AZIN1: variants seen among roughly 807,000 people sequenced by gnomAD.
AZIN1 encodes the protein antizyme inhibitor 1, also known as ornithine decarboxylase antizyme inhibitor.
AZIN1 carries 12 observed loss-of-function variants against 47.4 expected under a neutral mutation model. The observed-to-expected ratio is 0.25, with a 90% CI of 0.16 to 0.41. AZIN1 has a LOEUF of 0.41. Ranked by LOEUF, AZIN1 falls within the 10% of genes least tolerant of loss-of-function variation. The probability of loss-of-function intolerance (pLI) is 1.00; values close to 1 mark genes in which losing one functional copy is unlikely to be tolerated. For missense variants in AZIN1, 410 were observed against 532.4 expected (o/e 0.77, Z 2.26); for synonymous variants, 155 against 176.3 (o/e 0.88, Z 0.96).
At chr8:102,846,843 C>T (rs965007911) in intron 2 of AZIN1, among the ~76,000 whole-genome samples, 1 of 152,148 alleles carries the variant, frequency 6.6e-6, no homozygotes, top group African/African-American at 2.4e-5. Context: ...CAGCAAATCC[C>T]CAACTCCACC....
chr8:102,839,227 G>A (rs1586170330), intron 4 of AZIN1, among the ~76,000 whole-genome samples: 1 of 152,230 alleles, frequency 6.6e-6, no homozygotes, highest in African/African-American at 2.4e-5. Context: ...ATGTTGCCCA[G>A]GCTGATCCTA....
Position 102,829,627 on chromosome 8 carries a change from AGCCT to A in AZIN1, c.1021-145_1021-142del, listed in dbSNP as rs1811309763. On this transcript the variant is annotated intron_variant, in intron 10 of 11. Transcript: ENST00000337198. The stretch of plus-strand genomic sequence containing the variant: ...AGAGCCAAGGGCAGGGTGCTACTTA[AGCCT>A]CGATGGTACCATTAACTCCACGTAA... 21 of 879,308 alleles carry A rather than the reference AGCCT, an allele frequency of 2.4e-5. No individual in the cohort carries two copies. In the South Asian group the frequency reaches 2.8e-4, roughly 12 times the overall value. The allele number at this position is 879,308 out of a possible 1,614,324, so 54.5% of individuals were successfully genotyped here. A position where few individuals can be genotyped will look rare whatever the true frequency, so the allele number is the denominator to read the frequency against.
intron 2 of AZIN1, among the ~76,000 whole-genome samples, chr8:102,856,833 G>A (rs1447011375): frequency 6.6e-6 from 1 of 152,214 alleles, no homozygotes; most frequent in Non-Finnish European, 1.5e-5. Flanking sequence ...TCTCTTTAAT[G>A]TGCACACAAG....
chr8:102,864,172 G>C (rs1010109668), upstream of AZIN1: 1 of 181,698 alleles, frequency 5.5e-6, no homozygotes, highest in Admixed American at 6.5e-5. Flanking sequence ...GTGAGAAGGC[G>C]GCGCCAGCGA....
At chr8:102,831,597 C>T (rs540207651) in intron 9 of AZIN1, among the ~76,000 whole-genome samples, 7 of 137,418 alleles carry the variant, frequency 5.1e-5, no homozygotes, top group African/African-American at 1.9e-4. Context: ...GAGCTGAGAT[C>T]ATGCCACTGC....
intron 3 of AZIN1, among the ~76,000 whole-genome samples, chr8:102,841,809 A>AG (rs1812207082): frequency 6.7e-6 from 1 of 148,584 alleles, no homozygotes; most frequent in Admixed American, 6.7e-5. Context: ...TATATATAAA[A>AG]AAAAAAAAAA....
chr8:102,856,441 T>C (rs1228133550), intron 2 of AZIN1, among the ~76,000 whole-genome samples: 2 of 152,218 alleles, frequency 1.3e-5, no homozygotes, highest in African/African-American at 4.8e-5. Context: ...GAATCCTACA[T>C]TATTAATCTA....
In AZIN1 at chr8:102,841,808, A is replaced by T. The variant is rs868465134; in HGVS notation, c.102+1743T>A. ...TTAAGTCTAATATATATATATATAAAAAAAAAAAAAAAAAAGACCAGGCTG... is the reference window on the plus strand; with the variant it reads ...TTAAGTCTAATATATATATATATAATAAAAAAAAAAAAAAAGACCAGGCTG... On this transcript the variant is annotated intron_variant, in intron 3 of 11. Transcript: ENST00000337198. Among the ~76,000 whole-genome samples, 1,212 of 148,724 alleles carry T rather than the reference A, an allele frequency of 8.1e-3. 13 individuals are homozygous for T. The highest frequency in any genetic ancestry group is 0.035 in the Middle Eastern group (10 of 284).
At chr8:102,832,112 C>T (rs929961947) in intron 9 of AZIN1, among the ~76,000 whole-genome samples, 8 of 152,112 alleles carry the variant, frequency 5.3e-5, no homozygotes, top group Admixed American at 5.2e-4. Flanking sequence ...AACTAAGGAT[C>T]AGCTATGAAA....
chr8:102,859,840 AAAAG>A (rs925351045), intron 1 of AZIN1, among the ~76,000 whole-genome samples: 11 of 152,132 alleles, frequency 7.2e-5, no homozygotes, highest in Admixed American at 1.3e-4. Flanking sequence ...TGTCTCCAAA[AAAAG>A]AAAAGAAAAG....
At chr8:102,855,656 A>G (rs1813236117) in intron 2 of AZIN1, 1 of 152,218 alleles carries the variant, frequency 6.6e-6, no homozygotes, top group Non-Finnish European at 1.5e-5. Context: ...CAGAGTTCAT[A>G]TAGCTACATG....
In AZIN1 at chr8:102,861,981, A is replaced by C. The variant is rs572394192; in HGVS notation, c.-234+1826T>G. 5.9e-5 allele frequency among the ~76,000 whole-genome samples: 9 copies of C among 152,160 alleles called. No individual in the cohort carries two copies. The East Asian group carries it at 1.5e-3, about 26-fold the overall frequency. On this transcript the variant is annotated intron_variant, in intron 1 of 11. Coordinates refer to ENST00000337198, the MANE Select transcript of AZIN1 (RefSeq NM_148174.4). Reference sequence around the variant, plus strand: ...AACCTGGGAAGCGGAGGTTGCAGTAAGCCGAGATTGTGCCACTGCACTCCA... The same window carrying C: ...AACCTGGGAAGCGGAGGTTGCAGTACGCCGAGATTGTGCCACTGCACTCCA...
intron 5 of AZIN1, chr8:102,836,598 G>C (rs776673191): frequency 5.6e-6 from 3 of 537,840 alleles, no homozygotes; most frequent in Non-Finnish European, 3.2e-6. Context: ...ACAAGGATGG[G>C]ATTTTGGAAA....
At chr8:102,853,506 A>G (rs955116378) in intron 2 of AZIN1, among the ~76,000 whole-genome samples, 1 of 152,222 alleles carries the variant, frequency 6.6e-6, no homozygotes, top group Non-Finnish European at 1.5e-5. Context: ...TCGTCTCAAA[A>G]AAGAAAGAAA....
At chr8:102,849,497 T>C (rs1292479214) in intron 2 of AZIN1, among the ~76,000 whole-genome samples, 1 of 152,196 alleles carries the variant, frequency 6.6e-6, no homozygotes, top group Non-Finnish European at 1.5e-5. Flanking sequence ...CTGCAACACA[T>C]TCTGGTGCTA....
At position 102,827,804 on chromosome 8, in the gene AZIN1, A is replaced by G. The variant is rs1396797452; in HGVS notation, c.*763T>C. The G allele has an allele frequency of 6.6e-6, 1 of 152,628 alleles. No homozygotes were observed. The allele number at this position is 152,628 out of a possible 1,614,324, so 9.5% of individuals were successfully genotyped here. On this transcript the variant is annotated 3_prime_UTR_variant, in exon 12 of 12. Coordinates refer to ENST00000337198, the MANE Select transcript of AZIN1 (RefSeq NM_148174.4). ...TGCTTACTGCACATCAACTCTCCAT[A>G]ATGAATCTGAACTTCACAATGATTT... is the stretch of plus-strand genomic sequence containing the variant.
Position 102,828,461 on chromosome 8 carries a change from A to G in AZIN1, c.*106T>C, listed in dbSNP as rs545726322. 3.6e-4 allele frequency: 267 copies of G among 743,082 alleles called. 1 individual carries two copies. The African/African-American group carries it at 4.4e-3, about 12-fold the overall frequency. 46.0% of individuals were successfully genotyped at this position (743,082 alleles called of 1,614,324 possible). ...GCTATTACTAATAGTTTTTGTTGCC[A>G]AAAGAATTAAGAGAATAAGATTGTT... On this transcript the variant is annotated 3_prime_UTR_variant, in exon 12 of 12. Transcript: ENST00000337198.
At chr8:102,836,042 G>T (rs1240773695) in intron 6 of AZIN1, among the ~76,000 whole-genome samples, 1 of 152,142 alleles carries the variant, frequency 6.6e-6, no homozygotes, top group African/African-American at 2.4e-5. Context: ...TTATTGTGGG[G>T]AAGGAGGTAC....
In AZIN1 at chr8:102,841,644, ACACGTCTG is replaced by A. The variant is rs552619916; in HGVS notation, c.103-1829_103-1822del. On this transcript the variant is annotated intron_variant, in intron 3 of 11. Transcript: ENST00000337198. ...TTTTGCTAGGATGAGGGGAAGATGA[ACACGTCTG>A]CAGACTTAAGGTCAAGAGAAGGAGA... 1.0e-2 allele frequency among the ~76,000 whole-genome samples: 1,515 copies of A among 152,204 alleles called. 7 individuals are homozygous for A. The highest frequency in any genetic ancestry group is 0.015 in the Non-Finnish European group (1,051 of 68,008).
Sources: gnomAD v4.1 joint callset for allele counts (sites outside exome capture counted in the v4.1 genomes callset) on GRCh38, gnomAD v4.1.1 for gene constraint, MANE v1.5 for transcripts, NCBI Gene and HGNC (gene_info 2026-07-23, HGNC 2026-07-21) for gene names.